Variants in PCNT observed in about 807,000 individuals in gnomAD.
The protein encoded by PCNT is pericentrin.
A neutral mutation model predicts 380.4 loss-of-function variants in PCNT; 319 were observed. That is an observed-to-expected ratio of 0.84 (90% CI 0.77 to 0.92). The LOEUF is 0.92. PCNT is among the 40% of genes least tolerant of loss of function. The probability of loss-of-function intolerance (pLI) is 0.00; values close to 1 mark genes in which losing one functional copy is unlikely to be tolerated. For missense variants in PCNT, 4,400 were observed against 4,255.3 expected (o/e 1.03, Z -0.95); for synonymous variants, 1,845 against 1,735.2 (o/e 1.06, Z -1.57).
In PCNT at chr21:46,432,092, G is replaced by GCAGT; in HGVS notation, c.8631_8634dup (p.His2879ValfsTer50). 6.2e-7 allele frequency: 1 copy of GCAGT among 1,614,138 alleles called. No homozygotes were observed. Among genetic ancestry groups the GCAGT allele is most frequent in the South Asian group, 1.1e-5 (1 of 91,088 alleles). ...CAGCGTGGTTGCAGGCAGAATTAGA[G>GCAGT]CAGTCACACCCACGGTTGAAAGAGC... On this transcript the variant is annotated frameshift_variant, in exon 38 of 47. Coordinates refer to ENST00000359568, the MANE Select transcript of PCNT (RefSeq NM_006031.6). LOFTEE classifies it high-confidence loss of function.
intron 1 of PCNT, chr21:46,324,992 C>T: frequency 2.0e-6 from 2 of 978,822 alleles, no homozygotes; most frequent in Non-Finnish European, 2.4e-6. Context: ...CTGGCGTACG[C>T]TGCCGGGAAC....
intron 19 of PCNT, among the ~76,000 whole-genome samples, chr21:46,389,648 T>G (rs990242514): frequency 2.6e-5 from 4 of 152,276 alleles, no homozygotes; most frequent in African/African-American, 9.6e-5. Flanking sequence ...TTTTCTTTAC[T>G]TCATGCACTG....
chr21:46,366,800 G>C lies in PCNT; in HGVS notation c.2826G>C (p.Leu942=). 2 of 1,613,780 alleles carry C rather than the reference G, an allele frequency of 1.2e-6. No individual in the cohort carries two copies. The highest frequency in any genetic ancestry group is 1.7e-6 in the Non-Finnish European group (2 of 1,180,030). The change falls in exon 15 of 47, where the codon CTG becomes CTC. Residue 942 remains leucine (L), a synonymous_variant. Coordinates refer to ENST00000359568, the MANE Select transcript of PCNT (RefSeq NM_006031.6). ...TAGAGAGCAAGCAGGGGGCTCTGCT[G>C]GCTGCACGTGTGGCCGAACTGCAGA... ...ASLESKQGAL[L]AARVAELQTK...
At chr21:46,373,060 C>T (rs761516443) in intron 15 of PCNT, among the ~76,000 whole-genome samples, 2 of 152,170 alleles carry the variant, frequency 1.3e-5, no homozygotes, top group Admixed American at 1.3e-4. Flanking sequence ...CTTGCTCTGT[C>T]GCCCAGGCCG....
intron 22 of PCNT, 46 bp from the exon 23 acceptor site, chr21:46,397,968 C>T (rs747567065): frequency 1.9e-5 from 28 of 1,474,202 alleles, no homozygotes; most frequent in South Asian, 8.4e-5. Flanking sequence ...GCAAGGGGCA[C>T]GCCAGCCCCG....
At chr21:46,327,884 C>T (rs963395839) in intron 2 of PCNT, among the ~76,000 whole-genome samples, 1 of 152,178 alleles carries the variant, frequency 6.6e-6, no homozygotes, top group African/African-American at 2.4e-5. Context: ...CAGGGGCACC[C>T]CCATGGGCAG....
intron 3 of PCNT, among the ~76,000 whole-genome samples, chr21:46,335,006 C>T (rs1308542429): frequency 6.6e-6 from 1 of 152,228 alleles, no homozygotes; most frequent in Non-Finnish European, 1.5e-5. Context: ...TCTCCCTGAG[C>T]TCAAATCTGC....
At position 46,418,267 on chromosome 21, in the gene PCNT, C is replaced by T. The variant is rs1054739589; in HGVS notation, c.6985C>T (p.Pro2329Ser). 9.3e-6 allele frequency: 15 copies of T among 1,608,764 alleles called. No homozygotes were observed. In the African/African-American group the frequency reaches 1.7e-4, roughly 19 times the overall value. The change falls in exon 31 of 47, where the codon CCT becomes TCT. Residue 2329 changes from proline (P) to serine (S), a missense_variant. Pro to Ser is a moderately conservative substitution (Grantham distance 74, BLOSUM62 -1). Coordinates refer to ENST00000359568, the MANE Select transcript of PCNT (RefSeq NM_006031.6). ...FDSQETLSSPPPGLEGKADRS... is the reference protein window; with the variant it reads ...FDSQETLSSPSPGLEGKADRS... ...TTCTCAAGAAACATTAAGTTCACCT[C>T]CTCCTGGATTAGAAGGAAAAGCTGA...
At chr21:46,344,533 G>A (rs1371103919) in intron 3 of PCNT, among the ~76,000 whole-genome samples, 1 of 152,216 alleles carries the variant, frequency 6.6e-6, no homozygotes, top group Non-Finnish European at 1.5e-5. Flanking sequence ...TATCAAGCCT[G>A]TATCTCTCCA....
intron 35 of PCNT, among the ~76,000 whole-genome samples, chr21:46,429,454 G>GT (rs1335281423): frequency 6.7e-6 from 1 of 149,656 alleles, no homozygotes; most frequent in Admixed American, 6.7e-5. Context: ...GGCACAGGGG[G>GT]GCCGGCACTG....
chr21:46,359,397 C>G lies in PCNT; in HGVS notation c.2154+2206C>G, dbSNP rs761984390. On this transcript the variant is annotated intron_variant, in intron 13 of 46. Transcript: ENST00000359568. ...TGAGTATGTGGAAGCTCTGTTGTTA[C>G]ACGTGTACACATTTGTGATTGTAAT... Among the ~76,000 whole-genome samples, 9 of 144,012 alleles carry G rather than the reference C, an allele frequency of 6.2e-5. 1 individual carries two copies. The highest frequency in any genetic ancestry group is 1.4e-4 in the Admixed American group (2 of 14,168). 94.5% of individuals were successfully genotyped at this position (144,012 alleles called of 152,430 possible). A position where few individuals can be genotyped will look rare whatever the true frequency, so the allele number is the denominator to read the frequency against.
At chr21:46,367,915 G>A (rs1157623706) in intron 15 of PCNT, among the ~76,000 whole-genome samples, 2 of 152,212 alleles carry the variant, frequency 1.3e-5, no homozygotes, top group African/African-American at 4.8e-5. Context: ...GCTCACGTCT[G>A]TAATCACAGC....
At chr21:46,372,234 A>C (rs930028758) in intron 15 of PCNT, among the ~76,000 whole-genome samples, 3 of 151,758 alleles carry the variant, frequency 2.0e-5, no homozygotes, top group East Asian at 1.9e-4. Context: ...GTGCACACAC[A>C]GCACATGCAC....
At chr21:46,325,015 G>A in intron 1 of PCNT, 1 of 985,320 alleles carries the variant, frequency 1.0e-6, no homozygotes, top group East Asian at 1.1e-4. Context: ...ACGCGGCGCT[G>A]GCGCCGGGCG....
intron 2 of PCNT, among the ~76,000 whole-genome samples, chr21:46,327,967 C>T (rs995318384): frequency 7.9e-5 from 12 of 152,244 alleles, no homozygotes; most frequent in South Asian, 2.1e-4. Context: ...TACAAACCTG[C>T]CTGGAGGCGG....
chr21:46,437,395 C>T (rs1209676318), intron 40 of PCNT, among the ~76,000 whole-genome samples: 1 of 152,060 alleles, frequency 6.6e-6, no homozygotes, highest in Non-Finnish European at 1.5e-5. Flanking sequence ...TGGTAGAGCC[C>T]CCTCACATGC....
At chr21:46,385,262 G>A (rs1437287915) in intron 16 of PCNT, among the ~76,000 whole-genome samples, 3 of 152,214 alleles carry the variant, frequency 2.0e-5, no homozygotes, top group Admixed American at 6.5e-5. Context: ...AAGCTGAGGT[G>A]GGAGGATTGT....
intron 11 of PCNT, 126 bp from the exon 12 acceptor site, chr21:46,355,326 T>C: frequency 1.0e-6 from 1 of 980,226 alleles, no homozygotes; most frequent in Non-Finnish European, 1.6e-6. Flanking sequence ...GCGCAGCGTG[T>C]GGTCTCATGA....
intron 1 of PCNT, among the ~76,000 whole-genome samples, chr21:46,326,041 C>G (rs1601732967): frequency 6.6e-6 from 1 of 152,126 alleles, no homozygotes; most frequent in African/African-American, 2.4e-5. Flanking sequence ...CATTTTAAAA[C>G]TTAAATATGC....
Sources: gnomAD v4.1 joint callset for allele counts (sites outside exome capture counted in the v4.1 genomes callset) on GRCh38, gnomAD v4.1.1 for gene constraint, MANE v1.5 for transcripts, NCBI Gene and HGNC (gene_info 2026-07-23, HGNC 2026-07-21) for gene names.